The following ZNF385D variants were observed in gnomAD, a reference collection of about 807,000 sequenced individuals.
The protein encoded by ZNF385D is zinc finger protein 385D.
In ZNF385D, 15 loss-of-function variants were observed where a neutral mutation model predicts 35.8. The ratio of observed to expected loss-of-function variants is 0.42; its 90% CI spans 0.28 to 0.64. ZNF385D has a LOEUF of 0.64. ZNF385D is among the 30% of genes least tolerant of loss of function. ZNF385D has a pLI of 0.23. For missense variants in ZNF385D, 474 were observed against 494.6 expected, an observed-to-expected ratio of 0.96 and a Z score of 0.39; for synonymous variants, 212 against 186.8, an observed-to-expected ratio of 1.13 and a Z score of -1.10.
intron 3 of ZNF385D, among the ~76,000 whole-genome samples, chr3:21,946,619 C>G (rs919169961): frequency 6.6e-6 from 1 of 152,068 alleles, no homozygotes; most frequent in African/African-American, 2.4e-5. Context: ...ATCACTTGAG[C>G]TCAGGAGTTG....
At chr3:21,636,415 G>T (rs1040670138) in intron 2 of ZNF385D, among the ~76,000 whole-genome samples, 450 of 6,842 alleles carry the variant, frequency 0.066, no homozygotes, top group African/African-American at 0.12. Context: ...TATATATATA[G>T]AGTTTCTTAA....
chr3:22,220,901 A>T (rs75294582), intron 2 of ZNF385D, among the ~76,000 whole-genome samples: 1 of 152,152 alleles, frequency 6.6e-6, no homozygotes, highest in East Asian at 1.9e-4. Context: ...TATATTCCCT[A>T]AAGACTTTAC....
At chr3:21,444,387 GTT>G (rs137978112) in intron 4 of ZNF385D, among the ~76,000 whole-genome samples, 18 of 133,846 alleles carry the variant, frequency 1.3e-4, no homozygotes, top group Non-Finnish European at 1.3e-4. Context: ...GCCTTTTTTT[GTT>G]TTTTTTTTTT....
intron 3 of ZNF385D, among the ~76,000 whole-genome samples, chr3:21,757,130 T>TG: frequency 7.6e-6 from 1 of 131,640 alleles, no homozygotes; most frequent in African/African-American, 2.8e-5. Context: ...CTTTTTTTTT[T>TG]TTTTTTTTTG....
At chr3:21,755,608 T>C (rs2070304921), upstream of ZNF385D, among the ~76,000 whole-genome samples, 1 of 152,228 alleles carries the variant, frequency 6.6e-6, no homozygotes, top group East Asian at 1.9e-4. Context: ...TGTATTCTTT[T>C]TCACATAGCA....
intron 3 of ZNF385D, among the ~76,000 whole-genome samples, 166 bp downstream of exon 3, chr3:21,564,408 C>T (rs950116805): frequency 6.6e-6 from 1 of 152,118 alleles, no homozygotes; most frequent in African/African-American, 2.4e-5. Flanking sequence ...CCAAACATAA[C>T]ATAATAAACT....
chr3:21,999,452 A>G (rs1202637963), intron 3 of ZNF385D, among the ~76,000 whole-genome samples: 1 of 152,158 alleles, frequency 6.6e-6, no homozygotes, highest in Non-Finnish European at 1.5e-5. Flanking sequence ...ATTCTTCAAA[A>G]TTAAGAGAAA....
At chr3:22,043,028 G>C (rs1442001168) in intron 3 of ZNF385D, among the ~76,000 whole-genome samples, 1 of 152,090 alleles carries the variant, frequency 6.6e-6, no homozygotes, top group East Asian at 1.9e-4. Context: ...GCTTAACAAG[G>C]CTCCAAACTG....
At chr3:21,741,500 C>T (rs1227246538) in intron 1 of ZNF385D, among the ~76,000 whole-genome samples, 1 of 152,282 alleles carries the variant, frequency 6.6e-6, no homozygotes, top group East Asian at 1.9e-4. Context: ...AAGGGAAACA[C>T]TTCCCAGCAG....
chr3:21,779,470 A>G (rs934615685), intron 3 of ZNF385D, among the ~76,000 whole-genome samples: 16 of 152,030 alleles, frequency 1.1e-4, no homozygotes, highest in African/African-American at 2.9e-4. Context: ...CCAAAAGCAT[A>G]ATGTTTAATT....
At chr3:21,449,793 T>C (rs1575166008) in intron 4 of ZNF385D, among the ~76,000 whole-genome samples, 1 of 152,196 alleles carries the variant, frequency 6.6e-6, no homozygotes, top group Non-Finnish European at 1.5e-5. Context: ...ACATCCTTAC[T>C]GGCAGATTCT....
At chr3:21,908,936 A>T (rs142637227) in intron 3 of ZNF385D, among the ~76,000 whole-genome samples, 1 of 152,206 alleles carries the variant, frequency 6.6e-6, no homozygotes, top group African/African-American at 2.4e-5. Context: ...GCTCTATTTT[A>T]CCTAGTTAAT....
intron 2 of ZNF385D, among the ~76,000 whole-genome samples, chr3:22,200,237 G>A (rs1263573615): frequency 6.6e-6 from 1 of 151,910 alleles, no homozygotes; most frequent in Non-Finnish European, 1.5e-5. Context: ...CGGGGAACAT[G>A]CCCCGATAGT....
intron 3 of ZNF385D, among the ~76,000 whole-genome samples, chr3:22,121,990 G>A (rs1417772849): frequency 6.6e-6 from 1 of 151,818 alleles, no homozygotes; most frequent in Non-Finnish European, 1.5e-5. Flanking sequence ...ATTCAAACTG[G>A]CTAGCTAACA....
At chr3:21,543,390 T>G (rs1046748115) in intron 3 of ZNF385D, among the ~76,000 whole-genome samples, 1 of 152,164 alleles carries the variant, frequency 6.6e-6, no homozygotes, top group African/African-American at 2.4e-5. Context: ...TCCCCACCCC[T>G]TGTCGCTCCT....
At chr3:21,918,928 C>A (rs1466091218) in intron 3 of ZNF385D, among the ~76,000 whole-genome samples, 1 of 152,154 alleles carries the variant, frequency 6.6e-6, no homozygotes, top group Non-Finnish European at 1.5e-5. Flanking sequence ...AATGCTTGCC[C>A]TAGATCCCAA....
At chr3:22,142,243 T>TA (rs903161330) in intron 3 of ZNF385D, among the ~76,000 whole-genome samples, 1 of 152,100 alleles carries the variant, frequency 6.6e-6, no homozygotes, top group Non-Finnish European at 1.5e-5. Context: ...TGTTTTTAAC[T>TA]AAAAAAAATT....
intron 2 of ZNF385D, among the ~76,000 whole-genome samples, chr3:22,217,357 C>G (rs990637496): frequency 2.6e-5 from 4 of 152,114 alleles, no homozygotes; most frequent in African/African-American, 9.7e-5. Context: ...TTCTAAGGAA[C>G]TGTGAACACA....
At chr3:22,038,903 CAT>C (rs920615919) in intron 3 of ZNF385D, among the ~76,000 whole-genome samples, 73 of 149,416 alleles carry the variant, frequency 4.9e-4, no homozygotes, top group Middle Eastern at 3.5e-3. Flanking sequence ...TATATATAAA[CAT>C]ATATATTTTT....
Sources: allele counts gnomAD v4.1 joint callset (sites outside exome capture counted in the v4.1 genomes callset), GRCh38; gene constraint gnomAD v4.1.1; transcripts MANE v1.5; gene names NCBI Gene and HGNC (gene_info 2026-07-23, HGNC 2026-07-21).